The following KIDINS220 variants were observed in gnomAD, a reference collection of about 807,000 sequenced individuals.
KIDINS220 encodes kinase D interacting substrate 220.
A neutral mutation model predicts 157.6 loss-of-function variants in KIDINS220; 63 were observed. That is an observed-to-expected ratio of 0.40 (90% CI 0.33 to 0.49). The LOEUF is 0.49. KIDINS220 is among the 20% of genes least tolerant of loss of function. The pLI is 0.66. For missense variants in KIDINS220, 1,772 were observed against 2,171.2 expected (o/e 0.82, Z 3.65); for synonymous variants, 732 against 783.6 (o/e 0.93, Z 1.10).
rs368539477 is a variant in KIDINS220, at chr2:8,762,222, C to A, written c.3011+8448G>T. Among the ~76,000 whole-genome samples, 56 of 152,198 alleles carry A rather than the reference C, an allele frequency of 3.7e-4. No individual in the cohort carries two copies. In the East Asian group the frequency reaches 7.7e-3, roughly 21 times the overall value. ...AAACACTGTAGAACTTTGGAATGTT[C>A]TATATACTTTTTCAATGTTAAATCT... On this transcript the variant is annotated intron_variant, in intron 22 of 29. Transcript: ENST00000256707.
rs1157616652 is a variant in KIDINS220 at position 8,826,465 on chromosome 2, G to A, written c.108+521C>T. On this transcript the variant is annotated intron_variant, in intron 2 of 29. Coordinates refer to ENST00000256707, the MANE Select transcript of KIDINS220 (RefSeq NM_020738.4). ...CTCTACTAAAACTACAAAATTAGCC[G>A]AGCGTGGTGGCACATGCCTATAATC... Among the ~76,000 whole-genome samples, 6 of 152,114 alleles carry A rather than the reference G, an allele frequency of 3.9e-5. 1 individual carries two copies. Among genetic ancestry groups the A allele is most frequent in the Admixed American group, 2.6e-4 (4 of 15,282 alleles).
intron 13 of KIDINS220, 70 bp from the exon 14 acceptor site, chr2:8,790,129 C>T (rs1173749323): frequency 6.5e-6 from 9 of 1,376,576 alleles, no homozygotes; most frequent in Non-Finnish European, 8.9e-6. Context: ...ACTCAATATG[C>T]AGTTTTCACA....
rs1663768775 is a variant in KIDINS220 at position 8,729,729 on chromosome 2, G to C, written c.*991C>G. On this transcript the variant is annotated 3_prime_UTR_variant, in exon 30 of 30. Coordinates refer to ENST00000256707, the MANE Select transcript of KIDINS220 (RefSeq NM_020738.4). ...TAGATAAAGTCTATCCTAGTATAGAGAGCAATGATTTAGTTTTACCTAATT... is the reference window on the plus strand; with the variant it reads ...TAGATAAAGTCTATCCTAGTATAGACAGCAATGATTTAGTTTTACCTAATT... The C allele has an allele frequency of 3.0e-6, 3 of 983,970 alleles. No homozygotes were observed. The highest frequency in any genetic ancestry group is 1.7e-5 in the African/African-American group (1 of 57,156). 61.0% of individuals were successfully genotyped at this position (983,970 alleles called of 1,614,324 possible).
chr2:8,804,911 C>T (rs1229044487), intron 7 of KIDINS220, among the ~76,000 whole-genome samples: 1 of 152,158 alleles, frequency 6.6e-6, no homozygotes, highest in East Asian at 1.9e-4. Flanking sequence ...ACCCCACAGG[C>T]AAGTGTTCGG....
chr2:8,730,654 G>A lies in KIDINS220; in HGVS notation c.*66C>T. ...TGTAGAAAGGTGATGGGCGTGGATG[G>A]AGTCAAAATCCAGGACAATTCTGTC... On this transcript the variant is annotated 3_prime_UTR_variant, in exon 30 of 30. Transcript: ENST00000256707. The A allele has an allele frequency of 6.5e-7, 1 of 1,536,916 alleles. No homozygotes were observed. The highest frequency in any genetic ancestry group is 2.0e-5 in the Admixed American group (1 of 49,530).
downstream of KIDINS220, among the ~76,000 whole-genome samples, chr2:8,727,689 C>T (rs577881921): frequency 6.2e-4 from 95 of 152,260 alleles, no homozygotes; most frequent in African/African-American, 2.1e-3. Flanking sequence ...GTAGCATTTT[C>T]GCAAGTAAGT....
intron 22 of KIDINS220, among the ~76,000 whole-genome samples, chr2:8,769,500 T>C (rs1321775798): frequency 2.0e-5 from 3 of 152,304 alleles, no homozygotes; most frequent in East Asian, 1.9e-4. Flanking sequence ...ATCTTGAGGA[T>C]AGATGAGAGT....
chr2:8,801,504 G>A (rs62104389), intron 8 of KIDINS220, among the ~76,000 whole-genome samples: 63,984 of 152,026 alleles, frequency 0.42, 15,271 homozygotes, highest in East Asian at 0.59. Flanking sequence ...AGACAGACGC[G>A]GTCCTACCTC....
At chr2:8,740,540 C>T (rs1050457997) in intron 26 of KIDINS220, among the ~76,000 whole-genome samples, 5 of 152,150 alleles carry the variant, frequency 3.3e-5, no homozygotes, top group Non-Finnish European at 7.3e-5. Context: ...GCAAGTTTAA[C>T]ATTAATTTAA....
intron 26 of KIDINS220, among the ~76,000 whole-genome samples, chr2:8,741,030 C>T (rs1665549535): frequency 6.6e-6 from 1 of 152,108 alleles, no homozygotes; most frequent in South Asian, 2.1e-4. Context: ...ATCCTGTTTT[C>T]TAGTTTACAC....
intron 6 of KIDINS220, among the ~76,000 whole-genome samples, chr2:8,807,020 T>A (rs1675542971): frequency 6.6e-6 from 1 of 152,214 alleles, no homozygotes; most frequent in Non-Finnish European, 1.5e-5. Context: ...GCAGGAATAG[T>A]AACAACCAAG....
intron 2 of KIDINS220, among the ~76,000 whole-genome samples, chr2:8,820,875 C>T (rs1461886960): frequency 6.6e-6 from 1 of 152,194 alleles, no homozygotes; most frequent in Non-Finnish European, 1.5e-5. Flanking sequence ...CTTTGGTATA[C>T]ATTCTATAGA....
intron 11 of KIDINS220, among the ~76,000 whole-genome samples, chr2:8,796,298 T>C (rs1673907628): frequency 6.6e-6 from 1 of 152,210 alleles, no homozygotes; most frequent in African/African-American, 2.4e-5. Context: ...CTATATGAAG[T>C]ATGAAGCCAC....
intron 17 of KIDINS220, among the ~76,000 whole-genome samples, chr2:8,784,896 T>C (rs1672185997): frequency 6.6e-6 from 1 of 152,246 alleles, no homozygotes; most frequent in Non-Finnish European, 1.5e-5. Context: ...TCACACTCCT[T>C]GGTATTTACC....
At position 8,796,767 on chromosome 2, in the gene KIDINS220, T is replaced by C. The variant is rs372119995; in HGVS notation, c.1098+4A>G. 147 of 1,609,420 alleles carry C rather than the reference T, an allele frequency of 9.1e-5. 1 individual carries two copies. The highest frequency in any genetic ancestry group is 8.9e-4 in the South Asian group (81 of 90,962). On this transcript the variant is annotated splice_donor_region_variant and intron_variant, in intron 11 of 29. Transcript: ENST00000256707. ...ACAGTGTTCTCTCCGCACAGATGTTTTACCTTATCTACAGCAGACACTTTA... is the reference window on the plus strand; with the variant it reads ...ACAGTGTTCTCTCCGCACAGATGTTCTACCTTATCTACAGCAGACACTTTA...
intron 2 of KIDINS220, among the ~76,000 whole-genome samples, chr2:8,820,615 G>A (rs1558489688): frequency 6.6e-6 from 1 of 152,038 alleles, no homozygotes; most frequent in East Asian, 1.9e-4. Flanking sequence ...ATTATACGTG[G>A]TAGCCACATG....
In KIDINS220 at chr2:8,729,535, C is replaced by A. The variant is rs747181332; in HGVS notation, c.*1185G>T. 1 of 981,918 alleles carries A rather than the reference C, an allele frequency of 1.0e-6. No homozygotes were observed. Among genetic ancestry groups the A allele is most frequent in the Admixed American group, 6.2e-5 (1 of 16,260 alleles). 60.8% of individuals were successfully genotyped at this position (981,918 alleles called of 1,614,324 possible). A position where few individuals can be genotyped will look rare whatever the true frequency, so the allele number is the denominator to read the frequency against. ...CTTCAATGTGACCATTCTCTTAACT[C>A]GGCTAATAATTAATGGAAAGTACAC... On this transcript the variant is annotated 3_prime_UTR_variant, in exon 30 of 30. Transcript: ENST00000256707.
At chr2:8,758,134 A>T (rs1668276701) in intron 22 of KIDINS220, among the ~76,000 whole-genome samples, 1 of 152,182 alleles carries the variant, frequency 6.6e-6, no homozygotes, top group South Asian at 2.1e-4. Flanking sequence ...AAGTACTGGG[A>T]TTACAGGCGT....
Position 8,747,953 on chromosome 2 carries a change from G to A in KIDINS220, c.3462C>T (p.Gly1154=), listed in dbSNP as rs1474944811. 7 of 1,605,394 alleles carry A rather than the reference G, an allele frequency of 4.4e-6. No individual in the cohort carries two copies. The highest frequency in any genetic ancestry group is 6.0e-6 in the Non-Finnish European group (7 of 1,176,466). Residue 1154 remains glycine (G), a synonymous_variant, in exon 25 of 30, where the codon GGC becomes GGT. Transcript: ENST00000256707. ...YLYTPRYYPG[G]SQHLISRPSV... ...ATGGACGTGAGATGAGATGTTGGGA[G>A]CCGCCAGGGTAATACCTTGGCGTGT...
Sources: gnomAD v4.1 joint callset for allele counts (sites outside exome capture counted in the v4.1 genomes callset) on GRCh38, gnomAD v4.1.1 for gene constraint, MANE v1.5 for transcripts, NCBI Gene and HGNC (gene_info 2026-07-23, HGNC 2026-07-21) for gene names.